The following ZMYM4 variants were observed in gnomAD, a reference collection of about 807,000 sequenced individuals.
ZMYM4 encodes zinc finger MYM-type protein 4.
In ZMYM4, 31 loss-of-function variants were observed where a neutral mutation model predicts 183.2. That is an observed-to-expected ratio of 0.17 (90% CI 0.13 to 0.23). The LOEUF (loss-of-function observed/expected upper bound fraction) is 0.23. Among genes scored for constraint, ZMYM4 ranks in the 10% least tolerant of loss-of-function variants. ZMYM4 has a pLI of 1.00. For synonymous variants in ZMYM4, 592 were observed against 631.2 expected (o/e 0.94, Z 0.93); for missense variants, 1,273 against 1,840.3 (o/e 0.69, Z 5.64).
intron 2 of ZMYM4, among the ~76,000 whole-genome samples, chr1:35,345,714 T>G (rs1643367915): frequency 6.6e-6 from 1 of 152,250 alleles, no homozygotes; most frequent in Non-Finnish European, 1.5e-5. Context: ...CCCAAAGTGC[T>G]GGGATTACAA....
Position 35,303,811 on chromosome 1 carries a change from T to A in ZMYM4, c.40-21549T>A, listed in dbSNP as rs538759145. On this transcript the variant is annotated intron_variant, in intron 1 of 29. Coordinates refer to ENST00000314607, the MANE Select transcript of ZMYM4 (RefSeq NM_005095.3). ...ATCTTTATTATTTCCTTCTTTCCACTTATTTTGGGTTTACTTTGCTTTCTT... is the reference window on the plus strand; with the variant it reads ...ATCTTTATTATTTCCTTCTTTCCACATATTTTGGGTTTACTTTGCTTTCTT... Among the ~76,000 whole-genome samples, 3 of 152,344 alleles carry A rather than the reference T, an allele frequency of 2.0e-5. No homozygotes were observed. The East Asian group carries it at 5.8e-4, about 29-fold the overall frequency.
intron 7 of ZMYM4, among the ~76,000 whole-genome samples, chr1:35,373,280 G>T (rs1467882128): frequency 6.6e-6 from 1 of 150,436 alleles, no homozygotes; most frequent in Non-Finnish European, 1.5e-5. Flanking sequence ...CCCCCACAAG[G>T]GTAGGAACTT....
Position 35,370,607 on chromosome 1 carries a change from A to C in ZMYM4, c.1161A>C (p.Lys387Asn), listed in dbSNP as rs144187245. 99 of 1,608,786 alleles carry C rather than the reference A, an allele frequency of 6.2e-5. No individual in the cohort carries two copies. Among genetic ancestry groups the C allele is most frequent in the Non-Finnish European group, 7.7e-5 (91 of 1,176,938 alleles). Residue 387 changes from lysine to asparagine, a missense_variant, in exon 7 of 30, where the codon AAA (lysine) becomes AAC (asparagine). Around this residue, in one of 6 missense-constraint regions of ZMYM4, gnomAD observed 384 missense variants for 465.6 expected, o/e 0.82. Coordinates refer to ENST00000314607, the MANE Select transcript of ZMYM4 (RefSeq NM_005095.3). ...GCCCACCGCCTCCTCTCACCAAGAA[A>C]ACTTGTTCAAGTTGCTCAAAGTATA... ...PARPPPPLTK[K>N]TCSSCSKDIL... is the part of the protein sequence containing the mutation.
At chr1:35,365,433 C>A (rs1644051117) in intron 5 of ZMYM4, among the ~76,000 whole-genome samples, 1 of 151,906 alleles carries the variant, frequency 6.6e-6, no homozygotes, top group South Asian at 2.1e-4. Context: ...GTCATGATTT[C>A]TTTTTCTTCT....
Position 35,392,129 on chromosome 1 carries a change from A to G in ZMYM4, c.2588-83A>G, listed in dbSNP as rs574662153. 685 of 1,572,304 alleles carry G rather than the reference A, an allele frequency of 4.4e-4. 1 individual carries two copies. The highest frequency in any genetic ancestry group is 8.9e-4 in the South Asian group (79 of 88,522). The stretch of plus-strand genomic sequence containing the variant: ...ACAGAAATTACTCAAACCTGAAAAC[A>G]TTGTTTAACTTCCTTGAAATGGTTT... On this transcript the variant is annotated intron_variant, in intron 15 of 29. Coordinates refer to ENST00000314607, the MANE Select transcript of ZMYM4 (RefSeq NM_005095.3).
At chr1:35,332,362 G>A (rs28729917) in intron 2 of ZMYM4, among the ~76,000 whole-genome samples, 14,077 of 150,950 alleles carry the variant, frequency 0.093, 1,760 homozygotes, top group African/African-American at 0.28. Context: ...TAAGCTCAAG[G>A]ATTCAATGGC....
chr1:35,327,080 C>T lies in ZMYM4; in HGVS notation c.85+1675C>T, dbSNP rs181879917. 5.1e-3 allele frequency among the ~76,000 whole-genome samples: 779 copies of T among 152,210 alleles called. 8 individuals carry two copies. The highest frequency in any genetic ancestry group is 0.02 in the Middle Eastern group (6 of 294). ...TTTACCATGTTGGCCAGGCTGTTCT[C>T]GAACTCCTGACCTCAAGTGATCCAC... On this transcript the variant is annotated intron_variant, in intron 2 of 29. Transcript: ENST00000314607.
chr1:35,415,076 A>G (rs2149045109), intron 27 of ZMYM4, among the ~76,000 whole-genome samples: 1 of 152,258 alleles, frequency 6.6e-6, no homozygotes, highest in Non-Finnish European at 1.5e-5. Flanking sequence ...TTATATGACT[A>G]TAAATAAATT....
At chr1:35,282,979 GGTTTTTTTTTTTTTTTTTT>G (rs1640255919) in intron 1 of ZMYM4, among the ~76,000 whole-genome samples, 2 of 43,240 alleles carry the variant, frequency 4.6e-5, no homozygotes, top group Admixed American at 2.5e-4. Context: ...CTGTGTGTGT[GGTTTTTTTTTTTTTTTTTT>G]TTTTTTTTTT....
chr1:35,392,173 A>G (rs1301489162), intron 15 of ZMYM4, 39 bp from the exon 16 acceptor site: 1 of 1,613,504 alleles, frequency 6.2e-7, no homozygotes, highest in African/African-American at 1.3e-5. Flanking sequence ...GTACATATAA[A>G]TCACGTGAGG....
At chr1:35,282,705 A>C (rs1640235752) in intron 1 of ZMYM4, among the ~76,000 whole-genome samples, 2 of 152,060 alleles carry the variant, frequency 1.3e-5, no homozygotes. Flanking sequence ...GCAGATGTGC[A>C]ACACTATGCC....
At chr1:35,404,885 C>T in intron 23 of ZMYM4, 138 bp from the exon 24 acceptor site, 1 of 826,550 alleles carries the variant, frequency 1.2e-6, no homozygotes, top group African/African-American at 1.7e-5. Flanking sequence ...CTTTCTTGCT[C>T]TAAGAACTCT....
chr1:35,324,825 C>T (rs1231103784), intron 1 of ZMYM4, among the ~76,000 whole-genome samples: 1 of 152,142 alleles, frequency 6.6e-6, no homozygotes, highest in Admixed American at 6.5e-5. Context: ...GCTTTCTTTT[C>T]CCTCTGTGTT....
In ZMYM4 at chr1:35,334,036, T is replaced by TAAAA. The variant is rs375959822; in HGVS notation, c.85+8642_85+8645dup. ...TCCAAAGAGTAAGGATTCTGTGACT[T>TAAAA]AAAAAAAAAAAAAAGCATGCTGTAA... On this transcript the variant is annotated intron_variant, in intron 2 of 29. Transcript: ENST00000314607. Among the ~76,000 whole-genome samples the TAAAA allele has an allele frequency of 4.1e-4, 57 of 140,060 alleles. 4 individuals carry two copies. In the East Asian group the frequency reaches 0.011, roughly 28 times the overall value. The allele number at this position is 140,060 out of a possible 152,430, so 91.9% of individuals were successfully genotyped here. A position where few individuals can be genotyped will look rare whatever the true frequency, so the allele number is the denominator to read the frequency against.
In ZMYM4 at chr1:35,421,589, G is replaced by C. The variant is rs543006304; in HGVS notation, c.*1912G>C. Reference sequence around the variant, plus strand: ...TATGAAATACCAGAAAAAAAAATCTGTATCTTTTACTGAGAACACCCAATA... The same window carrying C: ...TATGAAATACCAGAAAAAAAAATCTCTATCTTTTACTGAGAACACCCAATA... On this transcript the variant is annotated 3_prime_UTR_variant, in exon 30 of 30. Coordinates refer to ENST00000314607, the MANE Select transcript of ZMYM4 (RefSeq NM_005095.3). The C allele has an allele frequency of 6.6e-6, 1 of 152,250 alleles. No homozygotes were observed. Among genetic ancestry groups the C allele is most frequent in the South Asian group, 2.1e-4 (1 of 4,824 alleles). 9.4% of individuals were successfully genotyped at this position (152,250 alleles called of 1,614,324 possible).
At chr1:35,397,325 G>T in intron 19 of ZMYM4, 52 bp from the exon 20 acceptor site, 1 of 1,437,316 alleles carries the variant, frequency 7.0e-7, no homozygotes, top group South Asian at 1.8e-5. Context: ...TCATACTTTT[G>T]GCTACAAACC....
chr1:35,405,545 T>A (rs1418029043), intron 25 of ZMYM4, 77 bp downstream of exon 25: 5 of 1,090,976 alleles, frequency 4.6e-6, no homozygotes, highest in Non-Finnish European at 6.4e-6. Context: ...ATTGAATATT[T>A]AAAATTATTT....
At position 35,268,856 on chromosome 1, in the gene ZMYM4, C is replaced by T. The variant is rs1302374210; in HGVS notation, c.-191C>T. The T allele has an allele frequency of 9.7e-6, 5 of 513,762 alleles. No homozygotes were observed. The Admixed American group carries it at 1.9e-4, about 19-fold the overall frequency. The allele number at this position is 513,762 out of a possible 1,614,324, so 31.8% of individuals were successfully genotyped here. On this transcript the variant is annotated 5_prime_UTR_variant, in exon 1 of 30. Transcript: ENST00000314607. ...GCAGGCCCTCCCGCCCACGCGCGGA[C>T]CCGTGGGATCTCAGAAGCTGCGGCC... is the stretch of plus-strand genomic sequence containing the variant.
rs1394548946 is a variant in ZMYM4 at position 35,348,914 on chromosome 1, A to G, written c.86-10011A>G. Among the ~76,000 whole-genome samples the G allele has an allele frequency of 1.3e-5, 2 of 152,218 alleles. 1 individual carries two copies. The highest frequency in any genetic ancestry group is 2.9e-5 in the Non-Finnish European group (2 of 68,040). ...AAGTCAGTAAAAACATGGATGTGCAAGTGTCTTTACTTTCTCCCTCCATTT... is the reference window on the plus strand; with the variant it reads ...AAGTCAGTAAAAACATGGATGTGCAGGTGTCTTTACTTTCTCCCTCCATTT... On this transcript the variant is annotated intron_variant, in intron 2 of 29. Transcript: ENST00000314607.
Sources: allele counts gnomAD v4.1 joint callset (sites outside exome capture counted in the v4.1 genomes callset), GRCh38; gene constraint gnomAD v4.1.1; regional missense constraint gnomAD v4.1.1; transcripts MANE v1.5; gene names NCBI Gene and HGNC (gene_info 2026-07-23, HGNC 2026-07-21).